ANGPT1: variants seen among roughly 807,000 people sequenced by gnomAD.
The protein encoded by ANGPT1 is angiopoietin-1.
Under a neutral mutation model 62.2 loss-of-function variants are expected in ANGPT1, and 17 were observed. That is an observed-to-expected ratio of 0.27 (90% CI 0.19 to 0.41). The LOEUF (loss-of-function observed/expected upper bound fraction) is 0.41. Among genes scored for constraint, ANGPT1 ranks in the 10% least tolerant of loss-of-function variants. ANGPT1 has a pLI of 1.00. For missense variants in ANGPT1, 478 were observed against 594.9 expected (o/e 0.80, Z 2.04); for synonymous variants, 199 against 198.9 (o/e 1.00, Z 0.00).
rs12544378 is a variant in ANGPT1 at position 107,274,712 on chromosome 8, T to C, written c.1205+9970A>G. On this transcript the variant is annotated intron_variant, in intron 7 of 8. Coordinates refer to ENST00000517746, the MANE Select transcript of ANGPT1 (RefSeq NM_001146.5). ...TTTGACTTGTTGCTCTTTGAATTTC[T>C]GGTATCTAGATCAAGAATTGCCATG... Among the ~76,000 whole-genome samples the C allele has an allele frequency of 4.0e-3, 614 of 152,286 alleles. 8 individuals carry two copies. The highest frequency in any genetic ancestry group is 0.032 in the Admixed American group (482 of 15,280).
chr8:107,414,292 A>AT, intron 1 of ANGPT1, among the ~76,000 whole-genome samples: 1 of 152,266 alleles, frequency 6.6e-6, no homozygotes, highest in East Asian at 1.9e-4. Flanking sequence ...ACAATGCATT[A>AT]TTATGTATTG....
At chr8:107,284,656 G>T in intron 7 of ANGPT1, 26 bp downstream of exon 7, 1 of 1,433,738 alleles carries the variant, frequency 7.0e-7, no homozygotes, top group Non-Finnish European at 9.3e-7. Flanking sequence ...AAAGGTAGTC[G>T]AACACTACAC....
At chr8:107,429,648 G>GAA (rs34291237) in intron 1 of ANGPT1, among the ~76,000 whole-genome samples, 1 of 119,108 alleles carries the variant, frequency 8.4e-6, no homozygotes, top group Non-Finnish European at 1.7e-5. Context: ...GCTCCAGGAG[G>GAA]AAAAAAAAAA....
intron 1 of ANGPT1, among the ~76,000 whole-genome samples, chr8:107,370,364 GAAA>G: frequency 3.1e-5 from 1 of 32,484 alleles, no homozygotes; most frequent in Non-Finnish European, 1.1e-4. Flanking sequence ...AAGAAAGAAA[GAAA>G]GAAAGAAAGA....
At chr8:107,464,005 A>G (rs774491850) in intron 1 of ANGPT1, among the ~76,000 whole-genome samples, 6 of 152,152 alleles carry the variant, frequency 3.9e-5, no homozygotes, top group Non-Finnish European at 7.4e-5. Context: ...GGGACTTAAC[A>G]TTTGCTTCAG....
chr8:107,305,953 A>T (rs1814704853), intron 4 of ANGPT1, among the ~76,000 whole-genome samples: 2 of 152,066 alleles, frequency 1.3e-5, no homozygotes, highest in Non-Finnish European at 2.9e-5. Context: ...GGTTTGAATA[A>T]GGTCCCTTTG....
At chr8:107,422,663 C>G (rs963905078) in intron 1 of ANGPT1, among the ~76,000 whole-genome samples, 1 of 152,114 alleles carries the variant, frequency 6.6e-6, no homozygotes, top group Non-Finnish European at 1.5e-5. Context: ...TCAGACACCT[C>G]TAATTATCAC....
chr8:107,284,857 C>A lies in ANGPT1; in HGVS notation c.1039-9G>T. On this transcript the variant is annotated splice_polypyrimidine_tract_variant and intron_variant, in intron 6 of 8. Transcript: ENST00000517746. ...GAGGGATTTCCAAAACCCTGGGAAA[C>A]AATATAGAGATGCAGTTGTTACTTT... 1.3e-6 allele frequency: 2 copies of A among 1,583,768 alleles called. No individual in the cohort carries two copies. The highest frequency in any genetic ancestry group is 2.7e-5 in the African/African-American group (2 of 74,662).
rs149033542 is a variant in ANGPT1, at chr8:107,467,688, G to A, written c.297+29574C>T. On this transcript the variant is annotated intron_variant, in intron 1 of 8. Coordinates refer to ENST00000517746, the MANE Select transcript of ANGPT1 (RefSeq NM_001146.5). The stretch of plus-strand genomic sequence containing the variant: ...CTGAAGATACTGAGCTTAGCTCTAC[G>A]GTTTAAGGTAAAATTGACCACACAA... 6.1e-4 allele frequency among the ~76,000 whole-genome samples: 93 copies of A among 152,008 alleles called. 1 individual carries two copies. Among genetic ancestry groups the A allele is most frequent in the African/African-American group, 2.0e-3 (85 of 41,476 alleles).
rs896878918 is a variant in ANGPT1, at chr8:107,251,785, A to C, written c.*70T>G. 6.3e-7 allele frequency: 1 copy of C among 1,576,058 alleles called. No individual in the cohort carries two copies. Among genetic ancestry groups the C allele is most frequent in the African/African-American group, 1.4e-5 (1 of 73,570 alleles). On this transcript the variant is annotated 3_prime_UTR_variant, in exon 9 of 9. Coordinates refer to ENST00000517746, the MANE Select transcript of ANGPT1 (RefSeq NM_001146.5). Reference sequence around the variant, plus strand: ...ATATTGTTTGCTTCTGAAGTTTTCAAACAGTTTCTCACCTGGCAGCTTCTC... The same window carrying C: ...ATATTGTTTGCTTCTGAAGTTTTCACACAGTTTCTCACCTGGCAGCTTCTC...
At chr8:107,429,610 CA>C (rs1301937878) in intron 1 of ANGPT1, among the ~76,000 whole-genome samples, 1 of 110,572 alleles carries the variant, frequency 9.0e-6, no homozygotes. Context: ...AATAGGAGCT[CA>C]AAGAAAGAAT....
rs1811325766 is a variant in ANGPT1, at chr8:107,436,111, G to A, written c.297+61151C>T. ...TGTAGAGATGGGGTCTCTCTATGTT[G>A]CCCAGGCTGGTCTCCAACTCCTGAG... On this transcript the variant is annotated intron_variant, in intron 1 of 8. Coordinates refer to ENST00000517746, the MANE Select transcript of ANGPT1 (RefSeq NM_001146.5). 5.9e-5 allele frequency among the ~76,000 whole-genome samples: 9 copies of A among 152,148 alleles called. 1 individual carries two copies. The South Asian group carries it at 1.9e-3, about 32-fold the overall frequency.
chr8:107,406,353 A>G (rs558092484), intron 1 of ANGPT1, among the ~76,000 whole-genome samples: 2 of 152,092 alleles, frequency 1.3e-5, no homozygotes, highest in South Asian at 2.1e-4. Flanking sequence ...CACAAGGTAC[A>G]GATTTAACAA....
chr8:107,452,575 A>G (rs1811806669), intron 1 of ANGPT1, among the ~76,000 whole-genome samples: 1 of 151,914 alleles, frequency 6.6e-6, no homozygotes, highest in Non-Finnish European at 1.5e-5. Context: ...TATTTTATAA[A>G]TTGGGAGAAA....
chr8:107,393,477 T>A (rs1156995822), intron 1 of ANGPT1, among the ~76,000 whole-genome samples: 2 of 152,150 alleles, frequency 1.3e-5, no homozygotes, highest in African/African-American at 4.8e-5. Context: ...TTTAAAAAAA[T>A]TTTAAAAGTG....
chr8:107,433,014 C>A (rs956824967), intron 1 of ANGPT1, among the ~76,000 whole-genome samples: 4 of 152,100 alleles, frequency 2.6e-5, no homozygotes, highest in African/African-American at 4.8e-5. Flanking sequence ...TTAAAAAAAA[C>A]CTCAAATTAA....
chr8:107,439,169 T>C (rs1017097677), intron 1 of ANGPT1, among the ~76,000 whole-genome samples: 5 of 152,220 alleles, frequency 3.3e-5, no homozygotes, highest in African/African-American at 9.6e-5. Context: ...GTTGTTATCA[T>C]ACCAGACTTA....
chr8:107,292,399 T>A (rs995010499), intron 6 of ANGPT1, among the ~76,000 whole-genome samples: 1 of 152,206 alleles, frequency 6.6e-6, no homozygotes, highest in Non-Finnish European at 1.5e-5. Flanking sequence ...CTACTAGTAA[T>A]GTACACTGAG....
At chr8:107,331,904 C>A (rs942381723) in intron 3 of ANGPT1, among the ~76,000 whole-genome samples, 1 of 152,104 alleles carries the variant, frequency 6.6e-6, no homozygotes, top group African/African-American at 2.4e-5. Context: ...GTTTTGATTT[C>A]CCTTCCTGTA....
Sources: allele counts gnomAD v4.1 joint callset (sites outside exome capture counted in the v4.1 genomes callset), GRCh38; gene constraint gnomAD v4.1.1; transcripts MANE v1.5; gene names NCBI Gene and HGNC (gene_info 2026-07-23, HGNC 2026-07-21).